The following BFSP1 variants were observed in gnomAD, a reference collection of about 807,000 sequenced individuals.
The protein encoded by BFSP1 is filensin.
BFSP1 carries 38 observed loss-of-function variants against 43.9 expected under a neutral mutation model. The observed-to-expected ratio is 0.87, with a 90% CI of 0.67 to 1.14. BFSP1 has a LOEUF of 1.14. BFSP1 is among the 50% of genes most tolerant of loss of function. BFSP1 has a pLI of 0.00. For synonymous variants in BFSP1, 352 were observed against 354.8 expected (o/e 0.99, Z 0.09); for missense variants, 850 against 875.1 (o/e 0.97, Z 0.36).
At position 17,531,286 on chromosome 20, in the gene BFSP1, T is replaced by C; in HGVS notation, c.44A>G (p.Tyr15Cys). Reference protein sequence around the residue: ...SYVFQTRKEQYEHADEASRAA... With the variant: ...SYVFQTRKEQCEHADEASRAA... ...GCGCGAAGCCTCGTCGGCGTGCTCG[T>C]ACTGCTCCTTGCGGGTCTGGAAGAC... is the stretch of plus-strand genomic sequence containing the variant. Residue 15 changes from tyrosine to cysteine, a missense_variant, in exon 1 of 8, where the codon TAC (tyrosine) becomes TGC (cysteine). Coordinates refer to ENST00000377873, the MANE Select transcript of BFSP1 (RefSeq NM_001195.5). The C allele has an allele frequency of 6.8e-7, 1 of 1,475,156 alleles. No homozygotes were observed. The highest frequency in any genetic ancestry group is 2.1e-4 in the Middle Eastern group (1 of 4,864). The allele number at this position is 1,475,156 out of a possible 1,614,324, so 91.4% of individuals were successfully genotyped here.
chr20:17,503,903 T>C (rs974614627), intron 5 of BFSP1, among the ~76,000 whole-genome samples: 9 of 152,128 alleles, frequency 5.9e-5, no homozygotes, highest in South Asian at 2.1e-4. Context: ...AAACTGTAAA[T>C]AGAACCACAA....
intron 1 of BFSP1, among the ~76,000 whole-genome samples, chr20:17,544,859 G>T (rs557842703): frequency 8.9e-4 from 136 of 152,236 alleles, no homozygotes; most frequent in African/African-American, 3.1e-3. Context: ...CCCAGTAACT[G>T]AAACCAATCA....
chr20:17,514,770 G>A lies in BFSP1; in HGVS notation c.485C>T (p.Ala162Val), dbSNP rs1219794007. Residue 162 changes from alanine (A) to valine (V), a missense_variant, in exon 3 of 8, where the codon GCC becomes GTC. Transcript: ENST00000377873. ...LLHNLRLQLE[A>V]QFLQDDISAA... ...ACTGATATCATCTTGCAGAAATTGGGCTTCCAGCTGAAGGCGTAGGTTATG... is the reference window on the plus strand; with the variant it reads ...ACTGATATCATCTTGCAGAAATTGGACTTCCAGCTGAAGGCGTAGGTTATG... The A allele has an allele frequency of 6.2e-7, 1 of 1,613,938 alleles. No homozygotes were observed. Among genetic ancestry groups the A allele is most frequent in the Non-Finnish European group, 8.5e-7 (1 of 1,179,980 alleles).
intron 1 of BFSP1, among the ~76,000 whole-genome samples, chr20:17,544,498 T>A (rs1449265714): frequency 6.6e-6 from 1 of 152,184 alleles, no homozygotes; most frequent in Non-Finnish European, 1.5e-5. Flanking sequence ...TACCTCTACA[T>A]AGTTATTTTA....
chr20:17,531,453 C>G (rs958707239), upstream of BFSP1: 52 of 1,190,638 alleles, frequency 4.4e-5, no homozygotes, highest in Middle Eastern at 3.3e-4. Flanking sequence ...GTTCCAGAGC[C>G]GATCAGCAGT....
At chr20:17,509,073 A>G in intron 4 of BFSP1, 77 bp from the exon 5 acceptor site, 1 of 1,068,732 alleles carries the variant, frequency 9.4e-7, no homozygotes, top group African/African-American at 1.6e-5. Flanking sequence ...GGGCCCTGGT[A>G]TGGACGGAAT....
intron 6 of BFSP1, among the ~76,000 whole-genome samples, chr20:17,497,467 C>CACACAA (rs1568679148): frequency 6.8e-6 from 1 of 147,852 alleles, no homozygotes; most frequent in African/African-American, 2.5e-5. Flanking sequence ...TATACACACA[C>CACACAA]ACACGTATAT....
In BFSP1 at chr20:17,508,922, G is replaced by A. The variant is rs112221242; in HGVS notation, c.702C>T (p.His234=). ...GCAGCTCCACTCTCTGCGCCTGCAG[G>A]TGGGAGAGCACCTCCCGGCCCTCCT... is the stretch of plus-strand genomic sequence containing the variant. ...QLEEGREVLS[H]LQAQRVELQA... is the part of the protein sequence containing the mutation. The change falls in exon 5 of 8, where the codon CAC becomes CAT. Residue 234 remains histidine, a synonymous_variant. Transcript: ENST00000377873. The A allele has an allele frequency of 9.3e-6, 15 of 1,604,934 alleles. 1 individual carries two copies. The highest frequency in any genetic ancestry group is 8.0e-5 in the African/African-American group (6 of 74,726).
Position 17,494,486 on chromosome 20 carries a change from T to G in BFSP1, c.1586A>C (p.Gln529Pro). 2.5e-6 allele frequency: 4 copies of G among 1,614,216 alleles called. No homozygotes were observed. The highest frequency in any genetic ancestry group is 3.4e-6 in the Non-Finnish European group (4 of 1,180,038). ...PPLENGQVGL[Q>P]EKEDGQPIDQ... is the part of the protein sequence containing the mutation. ...AATTGGTTGTCCATCTTCTTTCTCC[T>G]GCAGACCCACCTGCCCATTCTCTAA... The change falls in exon 8 of 8, where the codon CAG becomes CCG. Residue 529 changes from glutamine to proline, a missense_variant. Gln to Pro is a moderately conservative substitution (Grantham distance 76). Coordinates refer to ENST00000377873, the MANE Select transcript of BFSP1 (RefSeq NM_001195.5).
At chr20:17,509,527 G>A (rs2034025049) in intron 4 of BFSP1, among the ~76,000 whole-genome samples, 1 of 152,188 alleles carries the variant, frequency 6.6e-6, no homozygotes, top group Non-Finnish European at 1.5e-5. Flanking sequence ...TGACATGCCG[G>A]GACCAAGTAC....
At chr20:17,530,828 G>A (rs1403514290) in intron 1 of BFSP1, 125 bp downstream of exon 1, 1 of 1,096,442 alleles carries the variant, frequency 9.1e-7, no homozygotes, top group Non-Finnish European at 1.2e-6. Context: ...GCAGGGATGA[G>A]GTCATCGATC....
chr20:17,497,560 G>A (rs113906120), intron 6 of BFSP1, among the ~76,000 whole-genome samples: 73,407 of 130,058 alleles, frequency 0.56, 19,563 homozygotes, highest in African/African-American at 0.7. Flanking sequence ...ATATGTATAT[G>A]TGTGTGTATA....
At chr20:17,500,559 T>G (rs1177558543) in intron 5 of BFSP1, among the ~76,000 whole-genome samples, 2 of 152,246 alleles carry the variant, frequency 1.3e-5, no homozygotes, top group Non-Finnish European at 2.9e-5. Context: ...GTACAACACA[T>G]AATACTTGAT....
At chr20:17,520,210 G>GGGGGGGGGCC in intron 2 of BFSP1, among the ~76,000 whole-genome samples, 1 of 133,426 alleles carries the variant, frequency 7.5e-6, no homozygotes, top group African/African-American at 3.0e-5. Flanking sequence ...GTTTTAACGT[G>GGGGGGGGGCC]CCCCCCCACC....
At chr20:17,518,366 C>T (rs777104507) in intron 2 of BFSP1, among the ~76,000 whole-genome samples, 28 of 152,164 alleles carry the variant, frequency 1.8e-4, no homozygotes, top group Admixed American at 3.3e-4. Context: ...AGGGGGTTAC[C>T]ATTCTGAGCC....
chr20:17,567,930 G>C (rs1224550421), intron 1 of BFSP1, among the ~76,000 whole-genome samples: 1 of 151,114 alleles, frequency 6.6e-6, no homozygotes, highest in Non-Finnish European at 1.5e-5. Context: ...GGGGGTGAAG[G>C]AGTTGTAAGG....
chr20:17,511,241 GT>G (rs1376521831), intron 4 of BFSP1, among the ~76,000 whole-genome samples: 10 of 152,252 alleles, frequency 6.6e-5, no homozygotes. Context: ...AATATCAGAA[GT>G]AATTTTTCAT....
chr20:17,558,159 C>CTTT lies in BFSP1; in HGVS notation c.2+526_2+528dup, dbSNP rs5840776. Among the ~76,000 whole-genome samples the CTTT allele has an allele frequency of 9.6e-3, 1,435 of 149,182 alleles. 60 individuals carry two copies. The East Asian group carries it at 0.11, about 11-fold the overall frequency. On this transcript the variant is annotated intron_variant, in intron 1 of 7. Transcript: ENST00000377868. The stretch of plus-strand genomic sequence containing the variant: ...CTCAGCAAGAAAAATATTTATTTTC[C>CTTT]TTTTTTTTTTTAGGAGAAAAATACT...
Position 17,494,188 on chromosome 20 carries a change from G to A in BFSP1, c.1884C>T (p.Ile628=), listed in dbSNP as rs181266441. Residue 628 remains isoleucine, a synonymous_variant, in exon 8 of 8, where the codon ATC becomes ATT. Transcript: ENST00000377873. Reference sequence around the variant, plus strand: ...GAATGCTCTCCGTGGAAATCTTCTCGATAGATTCCACCACTTCCACTGTCT... The same window carrying A: ...GAATGCTCTCCGTGGAAATCTTCTCAATAGATTCCACCACTTCCACTGTCT... ...AYKTVEVVES[I]EKISTESIQT... is the part of the protein sequence containing the mutation. The A allele has an allele frequency of 2.0e-5, 33 of 1,614,074 alleles. No homozygotes were observed. Among genetic ancestry groups the A allele is most frequent in the Middle Eastern group, 3.3e-4 (2 of 6,062 alleles).
Sources: allele counts gnomAD v4.1 joint callset (sites outside exome capture counted in the v4.1 genomes callset), GRCh38; gene constraint gnomAD v4.1.1; transcripts MANE v1.5; gene names NCBI Gene and HGNC (gene_info 2026-07-23, HGNC 2026-07-21).